The following ICA1 variants were observed in gnomAD, a reference collection of about 807,000 sequenced individuals.
ICA1 encodes islet cell autoantigen 1, also known as 69 kDa islet cell autoantigen.
In ICA1, 40 loss-of-function variants were observed where a neutral mutation model predicts 71.0. The observed-to-expected ratio is 0.56, with a 90% CI of 0.44 to 0.73. The LOEUF (loss-of-function observed/expected upper bound fraction) is 0.73. Among genes scored for constraint, ICA1 ranks in the 30% least tolerant of loss-of-function variants. The pLI, the probability that ICA1 is intolerant of heterozygous loss-of-function variation, is 0.00. For synonymous variants in ICA1, 207 were observed against 209.5 expected, an observed-to-expected ratio of 0.99 and a Z score of 0.10; for missense variants, 578 against 576.5, an observed-to-expected ratio of 1.00 and a Z score of -0.03.
chr7:8,260,733 C>A lies in ICA1; in HGVS notation c.-80+1361G>T, dbSNP rs1483684745. Among the ~76,000 whole-genome samples, 4 of 152,178 alleles carry A rather than the reference C, an allele frequency of 2.6e-5. No homozygotes were observed. In the South Asian group the frequency reaches 6.2e-4, roughly 24 times the overall value. On this transcript the variant is annotated intron_variant, in intron 1 of 13. Transcript: ENST00000402384. ...ACAAAGGGTGTTTCAAAAATAAAGA[C>A]TGAAATCTAAAAATATATCTTTGGT...
At chr7:8,246,572 A>G (rs1420996692) in intron 1 of ICA1, among the ~76,000 whole-genome samples, 1 of 152,162 alleles carries the variant, frequency 6.6e-6, no homozygotes, top group African/African-American at 2.4e-5. Context: ...TGGGGTTACA[A>G]TATATTCACC....
intron 13 of ICA1, among the ~76,000 whole-genome samples, chr7:8,122,047 C>G (rs555955757): frequency 1.1e-4 from 17 of 152,224 alleles, no homozygotes; most frequent in East Asian, 9.6e-4. Context: ...AGTGAGATGA[C>G]AGTGGAGCTG....
At chr7:8,119,800 C>A (rs866628717) in intron 13 of ICA1, among the ~76,000 whole-genome samples, 1 of 152,102 alleles carries the variant, frequency 6.6e-6, no homozygotes, top group South Asian at 2.1e-4. Flanking sequence ...GAGCCGAGAT[C>A]GTGCCACTGT....
intron 6 of ICA1, among the ~76,000 whole-genome samples, chr7:8,213,418 G>A (rs1252601097): frequency 6.6e-6 from 1 of 152,154 alleles, no homozygotes; most frequent in Non-Finnish European, 1.5e-5. Flanking sequence ...ACTGGCATAG[G>A]GGGAGGTGTC....
intron 6 of ICA1, among the ~76,000 whole-genome samples, chr7:8,214,470 G>A (rs965689173): frequency 6.6e-6 from 1 of 152,164 alleles, no homozygotes; most frequent in Admixed American, 6.5e-5. Flanking sequence ...GCTCAGCCCT[G>A]CCCCTTTAAA....
chr7:8,141,843 A>T, intron 9 of ICA1, 26 bp from the exon 10 acceptor site: 1 of 1,489,620 alleles, frequency 6.7e-7, no homozygotes, highest in Non-Finnish European at 9.3e-7. Flanking sequence ...AGGTTTAGTC[A>T]TCAACTTCTA....
intron 8 of ICA1, among the ~76,000 whole-genome samples, chr7:8,153,912 A>T (rs1584640320): frequency 6.7e-6 from 1 of 150,154 alleles, no homozygotes; most frequent in East Asian, 2.0e-4. Flanking sequence ...ATACAAGATC[A>T]GGGAATTGCT....
chr7:8,209,859 A>T (rs537763235), intron 6 of ICA1, among the ~76,000 whole-genome samples: 81 of 152,308 alleles, frequency 5.3e-4, no homozygotes, highest in South Asian at 1.4e-3. Context: ...TGTGTTAAGA[A>T]TGGGGTGAAT....
chr7:8,196,024 T>A (rs1407164522), intron 6 of ICA1, among the ~76,000 whole-genome samples: 1 of 149,944 alleles, frequency 6.7e-6, no homozygotes, highest in Non-Finnish European at 1.5e-5. Context: ...CCAAAAACAA[T>A]AACAACAAAA....
chr7:8,185,996 T>C (rs1749042283), intron 6 of ICA1, among the ~76,000 whole-genome samples: 1 of 152,218 alleles, frequency 6.6e-6, no homozygotes, highest in Non-Finnish European at 1.5e-5. Context: ...CTATACAGCA[T>C]ATAAATAATC....
chr7:8,162,480 A>C (rs1459757574), intron 6 of ICA1, among the ~76,000 whole-genome samples: 1 of 152,222 alleles, frequency 6.6e-6, no homozygotes, highest in Admixed American at 6.5e-5. Flanking sequence ...ACACATTTCC[A>C]GCCTGAAGCC....
intron 6 of ICA1, among the ~76,000 whole-genome samples, chr7:8,182,860 T>A (rs1490417149): frequency 6.6e-6 from 1 of 152,250 alleles, no homozygotes; most frequent in East Asian, 1.9e-4. Context: ...GCAGTGTAAA[T>A]GAGAATCTCC....
intron 1 of ICA1, among the ~76,000 whole-genome samples, chr7:8,256,570 T>C (rs187953995): frequency 2.6e-5 from 4 of 152,306 alleles, no homozygotes; most frequent in Admixed American, 2.0e-4. Context: ...TTCAGTGAAG[T>C]ATTCCCAACT....
At chr7:8,212,292 C>A (rs1794044414) in intron 6 of ICA1, among the ~76,000 whole-genome samples, 1 of 152,172 alleles carries the variant, frequency 6.6e-6, no homozygotes, top group Non-Finnish European at 1.5e-5. Flanking sequence ...AGGCCAGGCA[C>A]TGTGGCTCAC....
chr7:8,207,974 A>G (rs1792213889), intron 6 of ICA1, among the ~76,000 whole-genome samples: 3 of 152,190 alleles, frequency 2.0e-5, no homozygotes, highest in Admixed American at 1.3e-4. Context: ...ACTCCATTAT[A>G]GGGCCAATAC....
At chr7:8,175,978 G>A (rs1262765973) in intron 6 of ICA1, among the ~76,000 whole-genome samples, 1 of 152,200 alleles carries the variant, frequency 6.6e-6, no homozygotes, top group Non-Finnish European at 1.5e-5. Flanking sequence ...GGAGAAAAAG[G>A]AAGTGAACAC....
intron 8 of ICA1, among the ~76,000 whole-genome samples, chr7:8,145,951 C>T (rs1477002824): frequency 6.6e-6 from 1 of 152,078 alleles, no homozygotes; most frequent in South Asian, 2.1e-4. Flanking sequence ...TAAAGTGGAA[C>T]CCAGGTCTTC....
intron 10 of ICA1, 145 bp from the exon 11 acceptor site, chr7:8,139,192 C>T (rs1794388036): frequency 1.6e-6 from 1 of 616,468 alleles, no homozygotes; most frequent in African/African-American, 1.8e-5. Context: ...TCAGATTACA[C>T]TGGACTCCTG....
At chr7:8,176,800 T>C (rs558771691) in intron 6 of ICA1, among the ~76,000 whole-genome samples, 2 of 152,330 alleles carry the variant, frequency 1.3e-5, no homozygotes, top group East Asian at 3.9e-4. Flanking sequence ...ATGCACATAT[T>C]CTCATTTGAC....
Sources: allele counts gnomAD v4.1 joint callset (sites outside exome capture counted in the v4.1 genomes callset), GRCh38; gene constraint gnomAD v4.1.1; transcripts MANE v1.5; gene names NCBI Gene and HGNC (gene_info 2026-07-23, HGNC 2026-07-21).